Variants in TBC1D19 observed in about 807,000 individuals in gnomAD.
TBC1D19 encodes TBC1 domain family member 19, also known as TBC1 domain family, member 19.
Under a neutral mutation model 89.0 loss-of-function variants are expected in TBC1D19, and 60 were observed. That is an observed-to-expected ratio of 0.67 (90% confidence interval 0.55 to 0.84). TBC1D19 has a LOEUF of 0.84. Among genes scored for constraint, TBC1D19 ranks in the 40% least tolerant of loss-of-function variants. The pLI, the probability that TBC1D19 is intolerant of heterozygous loss-of-function variation, is 0.00. For synonymous variants in TBC1D19, 189 were observed against 199.7 expected, an observed-to-expected ratio of 0.95 and a Z score of 0.45; for missense variants, 500 against 610.8, an observed-to-expected ratio of 0.82 and a Z score of 1.91.
intron 13 of TBC1D19, among the ~76,000 whole-genome samples, chr4:26,696,745 G>C (rs538611979): frequency 1.9e-4 from 29 of 152,208 alleles, no homozygotes; most frequent in Non-Finnish European, 2.9e-4. Context: ...GAACAACCTG[G>C]TCCTGAGTGA....
intron 7 of TBC1D19, among the ~76,000 whole-genome samples, chr4:26,657,191 C>A (rs12501439): frequency 0.46 from 68,891 of 151,202 alleles, 17,456 homozygotes; most frequent in Admixed American, 0.6. Context: ...ACCCATCAAC[C>A]TGTCACCTGC....
chr4:26,755,861 G>A lies in TBC1D19; in HGVS notation c.*914G>A, dbSNP rs865775830. 5.3e-5 allele frequency among the ~76,000 whole-genome samples: 8 copies of A among 152,142 alleles called. No individual in the cohort carries two copies. The highest frequency in any genetic ancestry group is 3.9e-4 in the Admixed American group (6 of 15,264). On this transcript the variant is annotated 3_prime_UTR_variant, in exon 21 of 21. Coordinates refer to ENST00000264866, the MANE Select transcript of TBC1D19 (RefSeq NM_018317.4). ...TTCTAAACTGCAGACATTATGCAAG[G>A]CATCAGCCTTATTTTGGGCTTTATT... is the stretch of plus-strand genomic sequence containing the variant.
At chr4:26,744,449 G>A (rs900582200) in intron 18 of TBC1D19, among the ~76,000 whole-genome samples, 1 of 150,798 alleles carries the variant, frequency 6.6e-6, no homozygotes, top group Non-Finnish European at 1.5e-5. Flanking sequence ...TTGTCTTTCT[G>A]CTTGTTTAAG....
At chr4:26,810,223 G>A in the TBC1D19 span, among the ~76,000 whole-genome samples, 32 of 152,182 alleles carry the variant, frequency 2.1e-4, no homozygotes, top group Non-Finnish European at 2.5e-4. Flanking sequence ...TGTATCAGCT[G>A]CCTTCTTTTT....
At chr4:26,800,953 A>G in the TBC1D19 span, among the ~76,000 whole-genome samples, 1 of 152,186 alleles carries the variant, frequency 6.6e-6, no homozygotes, top group Non-Finnish European at 1.5e-5. Context: ...CCCATTCTGT[A>G]GGTTGCCTAT....
chr4:26,643,053 A>T (rs142039307), intron 7 of TBC1D19, among the ~76,000 whole-genome samples: 151 of 152,292 alleles, frequency 9.9e-4, no homozygotes, highest in Non-Finnish European at 1.9e-3. Context: ...CCAGGACTTG[A>T]TCTCAGCTCT....
chr4:26,667,931 T>C (rs1711959119), intron 9 of TBC1D19, among the ~76,000 whole-genome samples: 1 of 152,034 alleles, frequency 6.6e-6, no homozygotes, highest in Admixed American at 6.6e-5. Flanking sequence ...TGGCAGAGTA[T>C]AGTGGTATTG....
At chr4:26,644,770 C>G (rs935016959) in intron 7 of TBC1D19, among the ~76,000 whole-genome samples, 1 of 152,198 alleles carries the variant, frequency 6.6e-6, no homozygotes, top group Non-Finnish European at 1.5e-5. Flanking sequence ...CATTCTTATA[C>G]ACCAATAACA....
At chr4:26,577,150 A>G (rs1738990065) in intron 1 of TBC1D19, among the ~76,000 whole-genome samples, 1 of 152,138 alleles carries the variant, frequency 6.6e-6, no homozygotes, top group African/African-American at 2.4e-5. Context: ...TGTCCTATGG[A>G]TTTCAGATTC....
intron 15 of TBC1D19, among the ~76,000 whole-genome samples, chr4:26,724,850 C>A (rs1717207518): frequency 6.6e-6 from 1 of 152,200 alleles, no homozygotes. Context: ...AGCTCCTACC[C>A]CAGCCTCTTT....
chr4:26,640,537 C>A (rs891130478), intron 7 of TBC1D19, among the ~76,000 whole-genome samples: 6 of 152,170 alleles, frequency 3.9e-5, no homozygotes, highest in Non-Finnish European at 5.9e-5. Context: ...GCACCTGGTT[C>A]ACCTCATTGG....
At chr4:26,587,095 A>T (rs1337701687) in intron 1 of TBC1D19, among the ~76,000 whole-genome samples, 3 of 152,146 alleles carry the variant, frequency 2.0e-5, no homozygotes, top group African/African-American at 7.2e-5. Context: ...TTATATCTGT[A>T]GATATGTTCA....
the TBC1D19 span, among the ~76,000 whole-genome samples, chr4:26,810,843 C>T: frequency 6.6e-5 from 10 of 152,152 alleles, no homozygotes; most frequent in African/African-American, 2.2e-4. Context: ...AAGCCTAGCA[C>T]CATACTACAT....
At chr4:26,584,444 CAAAAACA>C in intron 1 of TBC1D19, 152 bp downstream of exon 1, 1 of 716,564 alleles carries the variant, frequency 1.4e-6, no homozygotes, top group Non-Finnish European at 2.3e-6. Flanking sequence ...AAAACAAAAA[CAAAAACA>C]AAAACAAAAC....
At chr4:26,687,606 T>C (rs1382038943) in intron 12 of TBC1D19, among the ~76,000 whole-genome samples, 1 of 152,278 alleles carries the variant, frequency 6.6e-6, no homozygotes, top group East Asian at 1.9e-4. Context: ...AATTAATTTC[T>C]ATTAATAATT....
chr4:26,648,635 G>C (rs1355728401), intron 7 of TBC1D19, among the ~76,000 whole-genome samples: 4 of 152,120 alleles, frequency 2.6e-5, no homozygotes, highest in African/African-American at 9.7e-5. Flanking sequence ...CTTTACATTT[G>C]CTAAAGTAAA....
chr4:26,729,009 C>T (rs1190855390), intron 15 of TBC1D19, among the ~76,000 whole-genome samples: 2 of 151,896 alleles, frequency 1.3e-5, no homozygotes, highest in Admixed American at 6.6e-5. Flanking sequence ...AGCGAGACTC[C>T]GTCTCAAAAA....
At chr4:26,713,553 T>C (rs1716349451) in intron 13 of TBC1D19, among the ~76,000 whole-genome samples, 1 of 152,032 alleles carries the variant, frequency 6.6e-6, no homozygotes, top group Non-Finnish European at 1.5e-5. Context: ...GGACACAACA[T>C]TATTGTTAAC....
chr4:26,846,557 C>T, the TBC1D19 span, among the ~76,000 whole-genome samples: 1 of 152,022 alleles, frequency 6.6e-6, no homozygotes, highest in South Asian at 2.1e-4. Flanking sequence ...TCATTTTGAG[C>T]TTCTTTTTGA....
Sources: gnomAD v4.1 joint callset for allele counts (sites outside exome capture counted in the v4.1 genomes callset) on GRCh38, gnomAD v4.1.1 for gene constraint, MANE v1.5 for transcripts, NCBI Gene and HGNC (gene_info 2026-07-23, HGNC 2026-07-21) for gene names.